TMEM266: variants seen among roughly 807,000 people sequenced by gnomAD.
TMEM266 encodes transmembrane protein 266, also known as Hv1 related protein 1.
In TMEM266, 33 loss-of-function variants were observed where a neutral mutation model predicts 50.5. The ratio of observed to expected loss-of-function variants is 0.65; its 90% CI spans 0.50 to 0.87. The LOEUF is 0.87. TMEM266 is among the 40% of genes least tolerant of loss of function. The pLI, the probability that TMEM266 is intolerant of heterozygous loss-of-function variation, is 0.00. For synonymous variants in TMEM266, 310 were observed against 292.3 expected (o/e 1.06, Z -0.62); for missense variants, 655 against 695.1 (o/e 0.94, Z 0.65).
chr15:76,169,966 A>G (rs2038163198), intron 6 of TMEM266, 94 bp downstream of exon 6: 3 of 1,370,382 alleles, frequency 2.2e-6, no homozygotes, highest in East Asian at 2.4e-5. Flanking sequence ...GACACCATCA[A>G]GAAGGCTGGT....
rs1435120219 is a variant in TMEM266, at chr15:76,160,001, G to A, written c.383-94G>A. The A allele has an allele frequency of 8.1e-7, 1 of 1,230,512 alleles. No homozygotes were observed. The highest frequency in any genetic ancestry group is 1.5e-5 in the African/African-American group (1 of 66,620). The allele number at this position is 1,230,512 out of a possible 1,614,324, so 76.2% of individuals were successfully genotyped here. On this transcript the variant is annotated intron_variant, in intron 4 of 10. Coordinates refer to ENST00000388942, the MANE Select transcript of TMEM266 (RefSeq NM_152335.3). This position sits in a 1 kb window ranked among gnomAD's most constrained non-coding sequence, Gnocchi z 5.7. ...TAAACGTTCATGCAGGCGGGCCCCGGGGTCCCAGAGGTCTGGACGGATGCT... is the reference window on the plus strand; with the variant it reads ...TAAACGTTCATGCAGGCGGGCCCCGAGGTCCCAGAGGTCTGGACGGATGCT...
intron 1 of TMEM266, among the ~76,000 whole-genome samples, chr15:76,124,434 G>C (rs1307816259): frequency 6.6e-6 from 1 of 152,088 alleles, no homozygotes; most frequent in African/African-American, 2.4e-5. Context: ...TCATAGATTG[G>C]AATAATTCAT....
intron 1 of TMEM266, among the ~76,000 whole-genome samples, chr15:76,084,589 T>C (rs546990999): frequency 7.5e-6 from 1 of 133,262 alleles, no homozygotes; most frequent in African/African-American, 3.0e-5. Flanking sequence ...GAGATGAGGG[T>C]TTTTTTTGGT....
chr15:76,082,449 A>G (rs2036709275), intron 1 of TMEM266, among the ~76,000 whole-genome samples: 1 of 152,210 alleles, frequency 6.6e-6, no homozygotes, highest in Non-Finnish European at 1.5e-5. Context: ...AGAGAGAAGA[A>G]AATAATGTAT....
At chr15:76,096,874 T>C (rs2036928400) in intron 1 of TMEM266, among the ~76,000 whole-genome samples, 1 of 151,892 alleles carries the variant, frequency 6.6e-6, no homozygotes, top group African/African-American at 2.4e-5. Context: ...CCTTTTTTTC[T>C]CTTTTGGTCT....
rs2038759016 is a variant in TMEM266 at position 76,202,191 on chromosome 15, C to T, written c.959-11C>T. The T allele has an allele frequency of 6.2e-7, 1 of 1,611,668 alleles. No homozygotes were observed. Among genetic ancestry groups the T allele is most frequent in the African/African-American group, 1.3e-5 (1 of 74,862 alleles). On this transcript the variant is annotated splice_polypyrimidine_tract_variant and intron_variant, in intron 9 of 10. Coordinates refer to ENST00000388942, the MANE Select transcript of TMEM266 (RefSeq NM_152335.3). The stretch of plus-strand genomic sequence containing the variant: ...TGATGCACTCACCCTTCTCTGTCCC[C>T]ACCTCTGTAGAAGCCACGATGAAGG...
intron 3 of TMEM266, among the ~76,000 whole-genome samples, chr15:76,151,879 T>G (rs925174438): frequency 6.6e-5 from 10 of 152,166 alleles, no homozygotes; most frequent in Admixed American, 2.0e-4. Flanking sequence ...CCACTGAGTA[T>G]CGAGGACCTG....
chr15:76,173,349 G>T (rs1315539560), intron 7 of TMEM266, among the ~76,000 whole-genome samples: 1 of 152,206 alleles, frequency 6.6e-6, no homozygotes, highest in East Asian at 1.9e-4. Flanking sequence ...CTTCTGAAGA[G>T]TCAGGAAGGG....
chr15:76,179,107 C>G (rs537670144), intron 8 of TMEM266, among the ~76,000 whole-genome samples: 1 of 152,330 alleles, frequency 6.6e-6, no homozygotes, highest in African/African-American at 2.4e-5. Flanking sequence ...CCCTTGGAGA[C>G]AGCAGCCCAT....
chr15:76,158,244 G>A (rs2037957623), intron 4 of TMEM266, among the ~76,000 whole-genome samples: 1 of 152,186 alleles, frequency 6.6e-6, no homozygotes, highest in South Asian at 2.1e-4. Flanking sequence ...TGGACGGTGA[G>A]CACAGAATTG....
At chr15:76,143,166 C>A (rs1172519834) in intron 3 of TMEM266, among the ~76,000 whole-genome samples, 1 of 152,206 alleles carries the variant, frequency 6.6e-6, no homozygotes, top group Non-Finnish European at 1.5e-5. Context: ...TTCTCAGGCA[C>A]CTGCTTCATC....
intron 1 of TMEM266, among the ~76,000 whole-genome samples, chr15:76,105,414 G>C (rs553639067): frequency 6.6e-6 from 1 of 152,128 alleles, no homozygotes; most frequent in East Asian, 1.9e-4. Context: ...TCCCTTTCTC[G>C]AATGCTAATC....
Position 76,204,523 on chromosome 15 carries a change from C to T in TMEM266, c.*208C>T. The T allele has an allele frequency of 2.1e-6, 1 of 477,222 alleles. No homozygotes were observed. Among genetic ancestry groups the T allele is most frequent in the Admixed American group, 3.6e-5 (1 of 27,852 alleles). 29.6% of individuals were successfully genotyped at this position (477,222 alleles called of 1,614,324 possible). On this transcript the variant is annotated 3_prime_UTR_variant, in exon 11 of 11. Transcript: ENST00000388942. ...AGAGCTGGCGCCTCTTCTCGCCCTG[C>T]TCAGGGGAGGGTGGTGCTCGTGGCT...
chr15:76,093,070 T>C (rs562143338), intron 1 of TMEM266, among the ~76,000 whole-genome samples: 3 of 151,822 alleles, frequency 2.0e-5, no homozygotes, highest in Non-Finnish European at 4.4e-5. Flanking sequence ...CCTCCTAAAG[T>C]GCTGGGATTA....
chr15:76,074,107 T>C (rs940733683), intron 1 of TMEM266, among the ~76,000 whole-genome samples: 3 of 152,182 alleles, frequency 2.0e-5, no homozygotes, highest in Non-Finnish European at 2.9e-5. Context: ...ATTCACATAA[T>C]GCATAAATTG....
chr15:76,108,562 G>A (rs1596109287), intron 1 of TMEM266, among the ~76,000 whole-genome samples: 1 of 152,286 alleles, frequency 6.6e-6, no homozygotes, highest in East Asian at 1.9e-4. Flanking sequence ...GCTGCTGCTG[G>A]ACCCGGGACC....
chr15:76,177,185 T>C (rs9920257), intron 8 of TMEM266, among the ~76,000 whole-genome samples: 4,085 of 152,336 alleles, frequency 0.027, 171 homozygotes, highest in African/African-American at 0.094. Context: ...TGCTCCTTTA[T>C]GCCTGGGGCA....
At chr15:76,067,269 C>CAAAA (rs990330836) in intron 1 of TMEM266, among the ~76,000 whole-genome samples, 1 of 152,108 alleles carries the variant, frequency 6.6e-6, no homozygotes, top group African/African-American at 2.4e-5. Context: ...GAGATGTAAA[C>CAAAA]AAATTACAGA....
At chr15:76,103,924 A>AT (rs1028380583) in intron 1 of TMEM266, among the ~76,000 whole-genome samples, 31 of 149,658 alleles carry the variant, frequency 2.1e-4, no homozygotes, top group African/African-American at 7.7e-4. Context: ...AAAAAAAAAA[A>AT]ATGCCAGGGG....
Sources: gnomAD v4.1 joint callset for allele counts (sites outside exome capture counted in the v4.1 genomes callset) on GRCh38, gnomAD v4.1.1 for gene constraint, Gnocchi (gnomAD v3.1) non-coding constraint, MANE v1.5 for transcripts, NCBI Gene and HGNC (gene_info 2026-07-23, HGNC 2026-07-21) for gene names.